TBC1D9: variants seen among roughly 807,000 people sequenced by gnomAD.
The protein encoded by TBC1D9 is TBC1 domain family member 9.
A neutral mutation model predicts 132.0 loss-of-function variants in TBC1D9; 63 were observed. The observed-to-expected ratio is 0.48, with a 90% CI of 0.39 to 0.59. The LOEUF is 0.59. Among genes scored for constraint, TBC1D9 ranks in the 20% least tolerant of loss-of-function variants. The pLI is 0.00. For missense variants in TBC1D9, 1,261 were observed against 1,592.7 expected (o/e 0.79, Z 3.54); for synonymous variants, 610 against 609.9 (o/e 1.00, Z 0.00).
intron 15 of TBC1D9, among the ~76,000 whole-genome samples, chr4:140,634,681 G>A (rs2110971753): frequency 6.6e-6 from 1 of 152,230 alleles, no homozygotes; most frequent in Non-Finnish European, 1.5e-5. Context: ...ATCATGATGA[G>A]ATTTTGTGTT....
At chr4:140,699,604 A>G (rs1218805928) in intron 2 of TBC1D9, among the ~76,000 whole-genome samples, 1 of 152,234 alleles carries the variant, frequency 6.6e-6, no homozygotes, top group Non-Finnish European at 1.5e-5. Flanking sequence ...CTGGATCAGT[A>G]TCTTTCAAAA....
intron 16 of TBC1D9, 67 bp downstream of exon 16, chr4:140,633,881 G>A (rs1296924330): frequency 8.2e-6 from 13 of 1,576,434 alleles, no homozygotes; most frequent in Non-Finnish European, 1.1e-5. Flanking sequence ...CCTGAGGGCA[G>A]CATGGGCAAC....
intron 1 of TBC1D9, among the ~76,000 whole-genome samples, chr4:140,749,424 A>G (rs1738888116): frequency 6.6e-6 from 1 of 152,228 alleles, no homozygotes. Flanking sequence ...AGGTAGCTAG[A>G]AAAAGTATAA....
chr4:140,627,396 C>T (rs551021406), intron 18 of TBC1D9, 45 bp downstream of exon 18: 16 of 1,245,626 alleles, frequency 1.3e-5, no homozygotes, highest in Admixed American at 3.8e-5. Flanking sequence ...ATGGAGGGCT[C>T]GGTAGAAAAC....
intron 7 of TBC1D9, 45 bp from the exon 8 acceptor site, chr4:140,669,849 T>G: frequency 6.4e-7 from 1 of 1,556,100 alleles, no homozygotes; most frequent in Non-Finnish European, 8.8e-7. Context: ...ACACGGGCAA[T>G]AGAACCTACT....
intron 1 of TBC1D9, among the ~76,000 whole-genome samples, chr4:140,740,298 A>G (rs930079789): frequency 6.6e-6 from 1 of 152,240 alleles, no homozygotes; most frequent in East Asian, 1.9e-4. Flanking sequence ...AAGATCTTTA[A>G]TAAGTAAATT....
At chr4:140,624,038 C>T (rs1456824366) in intron 20 of TBC1D9, 78 bp downstream of exon 20, 29 of 1,187,574 alleles carry the variant, frequency 2.4e-5, no homozygotes, top group Middle Eastern at 2.6e-4. Flanking sequence ...ATTGAGTCTA[C>T]ATTTATCGAT....
At chr4:140,681,519 C>T (rs1400680932) in intron 3 of TBC1D9, among the ~76,000 whole-genome samples, 1 of 152,142 alleles carries the variant, frequency 6.6e-6, no homozygotes, top group Non-Finnish European at 1.5e-5. Flanking sequence ...AGACAATAAT[C>T]ATAACAGCAA....
rs772233892 is a variant in TBC1D9, at chr4:140,668,941, C to T, written c.1564G>A (p.Gly522Arg). 1.2e-6 allele frequency: 2 copies of T among 1,613,936 alleles called. No homozygotes were observed. Among genetic ancestry groups the T allele is most frequent in the Admixed American group, 3.3e-5 (2 of 60,014 alleles). ...CCTGACAGCAGCAGCCAGAGCTCCC[C>T]ACGCATGCTCTCCGGGATGCCCTTC... The part of the protein sequence containing the change: ...VLKGIPESMR[G>R]ELWLLLSGAI... Residue 522 changes from glycine (G) to arginine (R), a missense_variant, in exon 9 of 21, where the codon GGG becomes AGG. By Grantham distance (125) the Gly-to-Arg change is moderately radical. Transcript: ENST00000442267.
intron 1 of TBC1D9, among the ~76,000 whole-genome samples, chr4:140,727,303 G>C (rs1738516572): frequency 6.6e-6 from 1 of 152,190 alleles, no homozygotes; most frequent in Non-Finnish European, 1.5e-5. Context: ...TGAGGGGTCA[G>C]ACTCCTGACT....
At chr4:140,714,124 C>T (rs984615144) in intron 1 of TBC1D9, among the ~76,000 whole-genome samples, 1 of 152,158 alleles carries the variant, frequency 6.6e-6, no homozygotes, top group Non-Finnish European at 1.5e-5. Context: ...TTGATTAGTG[C>T]AAACACACAA....
At chr4:140,675,946 C>T (rs1357848037) in intron 6 of TBC1D9, among the ~76,000 whole-genome samples, 2 of 152,308 alleles carry the variant, frequency 1.3e-5, no homozygotes, top group Middle Eastern at 3.4e-3. Flanking sequence ...TTACCCTTCC[C>T]AGGGCTAGCC....
Position 140,622,115 on chromosome 4 carries a change from G to T in TBC1D9, c.*80C>A. On this transcript the variant is annotated 3_prime_UTR_variant, in exon 21 of 21. Coordinates refer to ENST00000442267, the MANE Select transcript of TBC1D9 (RefSeq NM_015130.3). The stretch of plus-strand genomic sequence containing the variant: ...TAATAAATATTTAATTTAAAAGAAA[G>T]AAAGAAAAAACTCAACACAGAAGAA... 1 of 1,480,450 alleles carries T rather than the reference G, an allele frequency of 6.8e-7. No individual in the cohort carries two copies. Among genetic ancestry groups the T allele is most frequent in the Non-Finnish European group, 9.0e-7 (1 of 1,113,576 alleles). 91.7% of individuals were successfully genotyped at this position (1,480,450 alleles called of 1,614,324 possible). A position where few individuals can be genotyped will look rare whatever the true frequency, so the allele number is the denominator to read the frequency against.
intron 2 of TBC1D9, among the ~76,000 whole-genome samples, chr4:140,687,944 G>T (rs1020441826): frequency 2.0e-5 from 3 of 152,066 alleles, no homozygotes; most frequent in Non-Finnish European, 4.4e-5. Context: ...AGAAAAATTA[G>T]TCAGACATGG....
chr4:140,700,891 A>G (rs1738058899), intron 2 of TBC1D9: 1 of 152,334 alleles, frequency 6.6e-6, no homozygotes, highest in South Asian at 2.1e-4. Flanking sequence ...AAGGAGTTCC[A>G]TCTGCAACTG....
intron 1 of TBC1D9, among the ~76,000 whole-genome samples, chr4:140,753,321 T>G (rs1738954550): frequency 6.6e-6 from 1 of 152,012 alleles, no homozygotes; most frequent in African/African-American, 2.4e-5. Flanking sequence ...TTTGAATGCC[T>G]AGGCTCAAAC....
chr4:140,667,939 C>A (rs75089093), intron 9 of TBC1D9, among the ~76,000 whole-genome samples: 6 of 151,722 alleles, frequency 4.0e-5, no homozygotes, highest in Non-Finnish European at 8.8e-5. Flanking sequence ...TCCTGTGAGT[C>A]GTAATTATTA....
chr4:140,676,759 A>G (rs1469539), intron 6 of TBC1D9, 135 bp downstream of exon 6: 787,869 of 1,180,864 alleles, frequency 0.67, 264,105 homozygotes, highest in Middle Eastern at 0.69. Flanking sequence ...AAATGAAAGA[A>G]TGCAGGTGCC....
chr4:140,744,196 T>G (rs1165311005), intron 1 of TBC1D9, among the ~76,000 whole-genome samples: 2 of 152,106 alleles, frequency 1.3e-5, no homozygotes, highest in African/African-American at 4.8e-5. Context: ...AGCAGCATTT[T>G]CCTATTAATA....
Sources: allele counts gnomAD v4.1 joint callset (sites outside exome capture counted in the v4.1 genomes callset), GRCh38; gene constraint gnomAD v4.1.1; transcripts MANE v1.5; gene names NCBI Gene and HGNC (gene_info 2026-07-23, HGNC 2026-07-21).